TRPM3: variants seen among roughly 807,000 people sequenced by gnomAD.
The protein encoded by TRPM3 is long transient receptor potential channel 3.
TRPM3 carries 77 observed loss-of-function variants against 181.2 expected under a neutral mutation model. The ratio of observed to expected loss-of-function variants is 0.42; its 90% CI spans 0.35 to 0.51. The LOEUF is 0.51. Ranked by LOEUF, TRPM3 falls within the 20% of genes least tolerant of loss-of-function variation. The pLI, the probability that TRPM3 is intolerant of heterozygous loss-of-function variation, is 0.01. For synonymous variants in TRPM3, 745 were observed against 796.4 expected (o/e 0.94, Z 1.09); for missense variants, 1,759 against 2,196.7 (o/e 0.80, Z 3.98).
intron 1 of TRPM3, among the ~76,000 whole-genome samples, chr9:71,420,801 A>AGAGAAAGAGAGAGAAAG (rs1565557524): frequency 0.014 from 38 of 2,784 alleles, 3 homozygotes; most frequent in Admixed American, 0.023. Context: ...GAGAGAAAGA[A>AGAGAAAGAGAGAGAAAG]AGAGAGAAAG....
intron 1 of TRPM3, among the ~76,000 whole-genome samples, chr9:71,197,656 A>G (rs370687529): frequency 2.6e-4 from 39 of 152,180 alleles, no homozygotes; most frequent in Admixed American, 4.6e-4. Context: ...TCTTTTGGCT[A>G]CATAAATGTC....
intron 1 of TRPM3, among the ~76,000 whole-genome samples, chr9:71,023,478 T>C (rs1415655839): frequency 1.3e-5 from 2 of 152,156 alleles, no homozygotes; most frequent in African/African-American, 4.8e-5. Context: ...ATTGCATTAC[T>C]AGGTCCTTAT....
chr9:70,617,443 C>T (rs2062960225), intron 17 of TRPM3, among the ~76,000 whole-genome samples: 1 of 151,968 alleles, frequency 6.6e-6, no homozygotes, highest in African/African-American at 2.4e-5. Flanking sequence ...GAAATGGGGC[C>T]ATATAGGTCA....
At chr9:71,095,810 A>G (rs1320862127) in intron 1 of TRPM3, among the ~76,000 whole-genome samples, 1 of 151,356 alleles carries the variant, frequency 6.6e-6, no homozygotes, top group African/African-American at 2.4e-5. Context: ...AGAGAAAGAG[A>G]GAGAGACTGA....
rs57948317 is a variant in TRPM3 at position 70,854,492 on chromosome 9, C to T, written c.463-7901G>A. On this transcript the variant is annotated intron_variant, in intron 3 of 25. Coordinates refer to ENST00000677713, the MANE Select transcript of TRPM3 (RefSeq NM_001366145.2). ...GGTCACATTCACCTTATATATGGCC[C>T]CTGGGTATAACAGGTCCAAGTAACT... Among the ~76,000 whole-genome samples, 779 of 152,218 alleles carry T rather than the reference C, an allele frequency of 5.1e-3. 9 individuals carry two copies. The highest frequency in any genetic ancestry group is 0.018 in the African/African-American group (734 of 41,538).
intron 3 of TRPM3, among the ~76,000 whole-genome samples, chr9:70,862,221 C>T (rs898445899): frequency 6.6e-6 from 1 of 152,086 alleles, no homozygotes; most frequent in Non-Finnish European, 1.5e-5. Context: ...ATTTTCATAA[C>T]ACATGCTAGA....
chr9:71,335,103 T>C (rs1189409813), intron 1 of TRPM3, among the ~76,000 whole-genome samples: 2 of 152,078 alleles, frequency 1.3e-5, no homozygotes, highest in Non-Finnish European at 1.5e-5. Context: ...AACCAAAAAA[T>C]TATGGATAAA....
chr9:70,986,190 C>A (rs1464786474), intron 1 of TRPM3, among the ~76,000 whole-genome samples: 1 of 151,458 alleles, frequency 6.6e-6, no homozygotes, highest in East Asian at 1.9e-4. Context: ...CCATCTTTAC[C>A]AAAAAAAATT....
intron 1 of TRPM3, among the ~76,000 whole-genome samples, chr9:71,256,836 A>G (rs1362985927): frequency 1.3e-5 from 2 of 152,202 alleles, no homozygotes; most frequent in African/African-American, 4.8e-5. Context: ...TTGAAGGTTT[A>G]GAGAGGCAGA....
At chr9:71,016,757 T>C (rs2134443420) in intron 1 of TRPM3, among the ~76,000 whole-genome samples, 1 of 152,300 alleles carries the variant, frequency 6.6e-6, no homozygotes, top group Middle Eastern at 3.4e-3. Flanking sequence ...TTTCAATTCT[T>C]TTTGGTATAT....
At chr9:70,976,722 G>A (rs989071922) in intron 1 of TRPM3, among the ~76,000 whole-genome samples, 1 of 152,150 alleles carries the variant, frequency 6.6e-6, no homozygotes, top group Admixed American at 6.5e-5. Context: ...ACATCTCTAT[G>A]CCTCAATCCC....
upstream of TRPM3, among the ~76,000 whole-genome samples, chr9:71,124,022 A>T (rs2073884402): frequency 6.6e-6 from 1 of 152,134 alleles, no homozygotes; most frequent in Admixed American, 6.6e-5. Context: ...CAGAGTGAGG[A>T]AGTAGGAGGA....
chr9:71,232,641 C>T (rs1222356548), intron 1 of TRPM3, among the ~76,000 whole-genome samples: 1 of 151,878 alleles, frequency 6.6e-6, no homozygotes, highest in Non-Finnish European at 1.5e-5. Context: ...GCTGGGACTA[C>T]AGGTGCATGC....
chr9:70,980,067 G>GCACACACACACACACACACACACACACA lies in TRPM3; in HGVS notation c.178-115584_178-115557dup, dbSNP rs10527749. ...AGCATGTGTGGCCATGCATGTGCGT[G>GCACACACACACACACACACACACACACA]CACACACACACACACACACACACAC... On this transcript the variant is annotated intron_variant, in intron 1 of 25. Transcript: ENST00000677713. Among the ~76,000 whole-genome samples, 649 of 137,942 alleles carry GCACACACACACACACACACACACACACA rather than the reference G, an allele frequency of 4.7e-3. 19 individuals carry two copies. The highest frequency in any genetic ancestry group is 0.016 in the African/African-American group (553 of 34,884). 90.5% of individuals were successfully genotyped at this position (137,942 alleles called of 152,430 possible). A position where few individuals can be genotyped will look rare whatever the true frequency, so the allele number is the denominator to read the frequency against.
intron 1 of TRPM3, among the ~76,000 whole-genome samples, chr9:70,900,577 T>C (rs1217492830): frequency 6.6e-6 from 1 of 152,224 alleles, no homozygotes; most frequent in Non-Finnish European, 1.5e-5. Context: ...AACTAGACAG[T>C]ATTCACAAAT....
chr9:70,905,161 A>G (rs1042603812), intron 1 of TRPM3, among the ~76,000 whole-genome samples: 1 of 152,184 alleles, frequency 6.6e-6, no homozygotes, highest in Non-Finnish European at 1.5e-5. Flanking sequence ...ATTCTAGAGG[A>G]GCATTTCCCA....
chr9:70,618,627 T>A (rs2063150682), intron 17 of TRPM3, among the ~76,000 whole-genome samples: 1 of 152,190 alleles, frequency 6.6e-6, no homozygotes, highest in African/African-American at 2.4e-5. Context: ...CCGAAAAATA[T>A]TAATGTCCAG....
intron 20 of TRPM3, among the ~76,000 whole-genome samples, chr9:70,601,903 C>T (rs957612909): frequency 6.6e-6 from 1 of 152,160 alleles, no homozygotes; most frequent in African/African-American, 2.4e-5. Context: ...TTAAATCGCT[C>T]GAGTGCCAGC....
chr9:71,394,246 A>G (rs563549282), intron 1 of TRPM3, among the ~76,000 whole-genome samples: 5 of 152,284 alleles, frequency 3.3e-5, no homozygotes, highest in Non-Finnish European at 5.9e-5. Flanking sequence ...ATATTCTTAT[A>G]AAGAGTTTAA....
Sources: gnomAD v4.1 joint callset for allele counts (sites outside exome capture counted in the v4.1 genomes callset) on GRCh38, gnomAD v4.1.1 for gene constraint, MANE v1.5 for transcripts, NCBI Gene and HGNC (gene_info 2026-07-23, HGNC 2026-07-21) for gene names.